PLCL1: variants seen among roughly 807,000 people sequenced by gnomAD.
PLCL1 encodes inactive phospholipase C-like protein 1.
A neutral mutation model predicts 84.4 loss-of-function variants in PLCL1; 41 were observed. That is an observed-to-expected ratio of 0.49 (90% CI 0.38 to 0.63). The LOEUF (loss-of-function observed/expected upper bound fraction) is 0.63. Among genes scored for constraint, PLCL1 ranks in the 30% least tolerant of loss-of-function variants. The pLI is 0.00. For missense variants in PLCL1, 1,206 were observed against 1,367.8 expected, an observed-to-expected ratio of 0.88 and a Z score of 1.87; for synonymous variants, 490 against 488.3, an observed-to-expected ratio of 1.00 and a Z score of -0.05.
chr2:197,949,119 T>A (rs1042780943), intron 1 of PLCL1, among the ~76,000 whole-genome samples: 2 of 152,186 alleles, frequency 1.3e-5, no homozygotes, highest in Non-Finnish European at 1.5e-5. Context: ...TGTATGATAA[T>A]CTAGTTGGGA....
chr2:198,083,631 A>C lies in PLCL1; in HGVS notation c.241-127A>C. Reference sequence around the variant, plus strand: ...CTTTTCTGAAACAGTGAAAATGTAAACTTTAGGGTAGCCTCTGTTCAAATA... The same window carrying C: ...CTTTTCTGAAACAGTGAAAATGTAACCTTTAGGGTAGCCTCTGTTCAAATA... On this transcript the variant is annotated intron_variant, in intron 1 of 5. Coordinates refer to ENST00000428675, the MANE Select transcript of PLCL1 (RefSeq NM_006226.4). 3 of 598,668 alleles carry C rather than the reference A, an allele frequency of 5.0e-6. No homozygotes were observed. The South Asian group carries it at 9.0e-5, about 18-fold the overall frequency. 37.1% of individuals were successfully genotyped at this position (598,668 alleles called of 1,614,324 possible). A position where few individuals can be genotyped will look rare whatever the true frequency, so the allele number is the denominator to read the frequency against.
At chr2:197,885,223 A>G (rs1434359908) in intron 1 of PLCL1, among the ~76,000 whole-genome samples, 1 of 152,190 alleles carries the variant, frequency 6.6e-6, no homozygotes, top group Non-Finnish European at 1.5e-5. Flanking sequence ...AGGAGATTTT[A>G]TTATGGAGAA....
chr2:198,132,865 G>T (rs1269095193), intron 5 of PLCL1, among the ~76,000 whole-genome samples: 5 of 151,812 alleles, frequency 3.3e-5, no homozygotes, highest in Non-Finnish European at 7.4e-5. Context: ...GGCTTTTGTT[G>T]CCATTGCTTT....
At chr2:197,932,435 T>C (rs1688955500) in intron 1 of PLCL1, among the ~76,000 whole-genome samples, 1 of 152,152 alleles carries the variant, frequency 6.6e-6, no homozygotes, top group Non-Finnish European at 1.5e-5. Context: ...ACATGTGCCA[T>C]GGTGGTATGC....
chr2:197,961,103 G>T (rs940852461), intron 1 of PLCL1, among the ~76,000 whole-genome samples: 1 of 151,980 alleles, frequency 6.6e-6, no homozygotes, highest in East Asian at 1.9e-4. Context: ...TTAAATAGCT[G>T]CCATATTCCA....
chr2:198,126,659 C>A (rs1693993226), intron 5 of PLCL1, among the ~76,000 whole-genome samples: 1 of 152,100 alleles, frequency 6.6e-6, no homozygotes, highest in Non-Finnish European at 1.5e-5. Flanking sequence ...AATCCCAGCA[C>A]TTTGGGAGGT....
intron 1 of PLCL1, among the ~76,000 whole-genome samples, chr2:197,920,953 C>T (rs1315400702): frequency 2.0e-5 from 3 of 152,096 alleles, no homozygotes; most frequent in East Asian, 1.9e-4. Flanking sequence ...AGTCATGTGT[C>T]GCTAACGACA....
At chr2:197,889,214 G>A (rs1455977530) in intron 1 of PLCL1, among the ~76,000 whole-genome samples, 1 of 152,096 alleles carries the variant, frequency 6.6e-6, no homozygotes, top group African/African-American at 2.4e-5. Context: ...AGAACAAAAG[G>A]GAAGAAATTT....
At chr2:197,904,422 T>C (rs1361262942) in intron 1 of PLCL1, among the ~76,000 whole-genome samples, 1 of 152,240 alleles carries the variant, frequency 6.6e-6, no homozygotes, top group Admixed American at 6.5e-5. Flanking sequence ...TTTATTTCAT[T>C]TCTTTTGTAT....
At chr2:197,847,059 T>G (rs2105676650) in intron 1 of PLCL1, among the ~76,000 whole-genome samples, 1 of 152,140 alleles carries the variant, frequency 6.6e-6, no homozygotes, top group South Asian at 2.1e-4. Flanking sequence ...GAACTCCAGT[T>G]TATTTTCTCA....
intron 1 of PLCL1, among the ~76,000 whole-genome samples, chr2:197,961,827 A>G (rs1443159550): frequency 6.6e-6 from 1 of 152,044 alleles, no homozygotes; most frequent in Admixed American, 6.6e-5. Context: ...AAAGGATGAG[A>G]TATTTCCTGC....
At position 197,805,189 on chromosome 2, in the gene PLCL1, C is replaced by G; in HGVS notation, c.90C>G (p.Ala30=). Residue 30 remains alanine (A), a synonymous_variant, in exon 1 of 6, where the codon GCC becomes GCG. Coordinates refer to ENST00000428675, the MANE Select transcript of PLCL1 (RefSeq NM_006226.4). The surrounding 1 kb of genome is among the most constrained non-coding windows in gnomAD (Gnocchi z 4.0). ...EDDPRVGPDA[A]GDCVTAASGG... is the part of the protein sequence containing the mutation. Reference sequence around the variant, plus strand: ...ACCCCCGAGTGGGCCCGGATGCCGCCGGGGACTGCGTGACGGCGGCCTCTG... The same window carrying G: ...ACCCCCGAGTGGGCCCGGATGCCGCGGGGGACTGCGTGACGGCGGCCTCTG... The G allele has an allele frequency of 7.8e-7, 1 of 1,280,504 alleles. No homozygotes were observed. Among genetic ancestry groups the G allele is most frequent in the Non-Finnish European group, 9.8e-7 (1 of 1,015,886 alleles). 79.3% of individuals were successfully genotyped at this position (1,280,504 alleles called of 1,614,324 possible).
intron 1 of PLCL1, among the ~76,000 whole-genome samples, chr2:197,948,584 G>T (rs1308626448): frequency 6.6e-6 from 1 of 152,004 alleles, no homozygotes; most frequent in African/African-American, 2.4e-5. Context: ...TAGAATCAGA[G>T]TAGGAACTTT....
Position 197,854,634 on chromosome 2 carries a change from T to C in PLCL1, c.240+49295T>C, listed in dbSNP as rs994705843. Among the ~76,000 whole-genome samples, 4 of 152,228 alleles carry C rather than the reference T, an allele frequency of 2.6e-5. No individual in the cohort carries two copies. In the South Asian group the frequency reaches 8.3e-4, roughly 31 times the overall value. ...ACATACATAATATTATAAAATTTTG[T>C]GTACAAGGACTCCACTTGTGTATCT... On this transcript the variant is annotated intron_variant, in intron 1 of 5. Coordinates refer to ENST00000428675, the MANE Select transcript of PLCL1 (RefSeq NM_006226.4).
At chr2:197,861,378 C>T (rs970817914) in intron 1 of PLCL1, among the ~76,000 whole-genome samples, 11 of 152,222 alleles carry the variant, frequency 7.2e-5, no homozygotes, top group Non-Finnish European at 1.5e-4. Context: ...GCTCTGTGTC[C>T]GTTCCCCCAT....
intron 5 of PLCL1, among the ~76,000 whole-genome samples, chr2:198,143,537 G>A (rs1414925182): frequency 6.6e-6 from 1 of 152,144 alleles, no homozygotes; most frequent in Non-Finnish European, 1.5e-5. Context: ...AGAAGTTTGG[G>A]GGTGTTTGTG....
chr2:197,918,771 A>G (rs1264873840), intron 1 of PLCL1, among the ~76,000 whole-genome samples: 1 of 152,050 alleles, frequency 6.6e-6, no homozygotes, highest in Non-Finnish European at 1.5e-5. Context: ...AAAAAATCCC[A>G]AAAAACAAAA....
intron 1 of PLCL1, among the ~76,000 whole-genome samples, chr2:197,959,785 G>A (rs1689572099): frequency 6.6e-6 from 1 of 152,076 alleles, no homozygotes; most frequent in Admixed American, 6.6e-5. Flanking sequence ...AACACTGCAT[G>A]ACAACAGTGT....
intron 1 of PLCL1, among the ~76,000 whole-genome samples, chr2:197,961,570 C>T (rs1689624927): frequency 6.6e-6 from 1 of 151,876 alleles, no homozygotes; most frequent in Non-Finnish European, 1.5e-5. Context: ...TTTGGAATAA[C>T]CTTAGTAAAG....
Sources: allele counts gnomAD v4.1 joint callset (sites outside exome capture counted in the v4.1 genomes callset), GRCh38; gene constraint gnomAD v4.1.1; non-coding constraint Gnocchi (gnomAD v3.1); transcripts MANE v1.5; gene names NCBI Gene and HGNC (gene_info 2026-07-23, HGNC 2026-07-21).